Variants in MYH13 observed in about 807,000 individuals in gnomAD.
MYH13 encodes the protein myosin heavy chain 13.
In MYH13, 177 loss-of-function variants were observed where a neutral mutation model predicts 232.1. That is an observed-to-expected ratio of 0.76 (90% CI 0.67 to 0.86). MYH13 has a LOEUF of 0.86. Ranked by LOEUF, MYH13 falls within the 40% of genes least tolerant of loss-of-function variation. The probability of loss-of-function intolerance (pLI) is 0.00; values close to 1 mark genes in which losing one functional copy is unlikely to be tolerated. For missense variants in MYH13, 2,246 were observed against 2,405.9 expected, an observed-to-expected ratio of 0.93 and a Z score of 1.39; for synonymous variants, 884 against 923.5, an observed-to-expected ratio of 0.96 and a Z score of 0.78.
chr17:10,336,709 G>C (rs979832471), intron 18 of MYH13, among the ~76,000 whole-genome samples: 1 of 152,124 alleles, frequency 6.6e-6, no homozygotes, highest in Non-Finnish European at 1.5e-5. Context: ...ACTTGAGAAA[G>C]TCCCTACATT....
intron 35 of MYH13, among the ~76,000 whole-genome samples, chr17:10,308,496 G>A (rs1181665329): frequency 8.0e-6 from 1 of 125,688 alleles, no homozygotes. Context: ...TATTGCCCAC[G>A]CTGGTCTCAG....
At chr17:10,313,719 A>G (rs1403378274) in intron 29 of MYH13, among the ~76,000 whole-genome samples, 1 of 152,214 alleles carries the variant, frequency 6.6e-6, no homozygotes, top group Non-Finnish European at 1.5e-5. Flanking sequence ...TTAATAGGGT[A>G]AATAAGCAAA....
rs945235778 is a variant in MYH13, at chr17:10,311,213, A to G, written c.4546T>C (p.Leu1516=). 24 of 1,613,902 alleles carry G rather than the reference A, an allele frequency of 1.5e-5. No individual in the cohort carries two copies. Among genetic ancestry groups the G allele is most frequent in the Non-Finnish European group, 1.9e-5 (23 of 1,179,902 alleles). The part of the protein sequence containing the change: ...NKNLQEEISD[L]TEQIAETGKN... ...CCAGTTTCTGCAATCTGCTCAGTTA[A>G]GTCGGAAATCTCTTCTGCAAAGGAC... The change falls in exon 33 of 41, where the codon TTA becomes CTA. Residue 1516 remains leucine, a synonymous_variant. Transcript: ENST00000252172.
intron 2 of MYH13, among the ~76,000 whole-genome samples, chr17:10,366,454 C>T (rs2142151835): frequency 7.2e-6 from 1 of 138,858 alleles, no homozygotes; most frequent in South Asian, 2.3e-4. Context: ...AATCTCGGTT[C>T]ACTGCAACCT....
chr17:10,330,296 C>G, intron 21 of MYH13, 91 bp downstream of exon 21: 1 of 1,526,416 alleles, frequency 6.6e-7, no homozygotes, highest in African/African-American at 1.4e-5. Flanking sequence ...AGAGAGCAAG[C>G]ACATGGAAAT....
At chr17:10,359,409 A>G (rs979066675) in intron 7 of MYH13, among the ~76,000 whole-genome samples, 4 of 152,204 alleles carry the variant, frequency 2.6e-5, no homozygotes, top group Non-Finnish European at 5.9e-5. Context: ...TGTCACCTGC[A>G]GAGACCCTGC....
chr17:10,336,173 G>C (rs2071573769), intron 18 of MYH13, among the ~76,000 whole-genome samples: 1 of 152,010 alleles, frequency 6.6e-6, no homozygotes. Flanking sequence ...GGTTTGTGCA[G>C]ACTCAGAATC....
At position 10,350,892 on chromosome 17, in the gene MYH13, A is replaced by G. The variant is rs554503459; in HGVS notation, c.1006-198T>C. ...GTGTGGGTGGGTGAAGACTATGGGA[A>G]AAAGATGTGAATTGTCTGTTTCCTT... On this transcript the variant is annotated intron_variant, in intron 11 of 40. Coordinates refer to ENST00000252172, the MANE Select transcript of MYH13 (RefSeq NM_003802.3). 3.4e-4 allele frequency: 224 copies of G among 650,134 alleles called. 5 individuals are homozygous for G. Among genetic ancestry groups the G allele is most frequent in the South Asian group, 3.4e-3 (223 of 66,524 alleles). The allele number at this position is 650,134 out of a possible 1,614,324, so 40.3% of individuals were successfully genotyped here.
intron 22 of MYH13, among the ~76,000 whole-genome samples, chr17:10,327,460 CAT>C (rs1282873757): frequency 1.3e-5 from 2 of 152,076 alleles, no homozygotes; most frequent in African/African-American, 2.4e-5. Flanking sequence ...GCACTTTTTA[CAT>C]ATTATTGTAA....
intron 23 of MYH13, 88 bp downstream of exon 23, chr17:10,323,934 T>C (rs527710102): frequency 6.6e-7 from 1 of 1,526,696 alleles, no homozygotes; most frequent in Non-Finnish European, 8.8e-7. Context: ...TTATATTGAC[T>C]GGACTCCTAC....
At chr17:10,303,077 T>C (rs1906151560) in intron 39 of MYH13, 119 bp downstream of exon 39, 1 of 813,916 alleles carries the variant, frequency 1.2e-6, no homozygotes, top group African/African-American at 1.7e-5. Flanking sequence ...GTTTATAGCC[T>C]GCAAATACAA....
At position 10,357,043 on chromosome 17, in the gene MYH13, C is replaced by T. The variant is rs561237182; in HGVS notation, c.738+692G>A. Among the ~76,000 whole-genome samples, 138 of 152,272 alleles carry T rather than the reference C, an allele frequency of 9.1e-4. 1 individual carries two copies. The highest frequency in any genetic ancestry group is 3.2e-3 in the African/African-American group (134 of 41,546). On this transcript the variant is annotated intron_variant, in intron 8 of 40. Transcript: ENST00000252172. ...TGTTGCAACTTCGGCTCCCTGCAAC[C>T]TCCACCTCCCGGGTTCAAGCGATTC... is the stretch of plus-strand genomic sequence containing the variant.
chr17:10,321,798 C>G (rs1328056420), intron 23 of MYH13, 90 bp from the exon 24 acceptor site: 1 of 1,229,500 alleles, frequency 8.1e-7, no homozygotes, highest in African/African-American at 1.5e-5. Flanking sequence ...CTCATTTTTC[C>G]TTTTTCCCTT....
rs760905233 is a variant in MYH13, at chr17:10,311,216, C to T, written c.4543G>A (p.Asp1515Asn). 73 of 1,613,898 alleles carry T rather than the reference C, an allele frequency of 4.5e-5. No individual in the cohort carries two copies. The highest frequency in any genetic ancestry group is 5.9e-5 in the Non-Finnish European group (70 of 1,179,918). Reference protein sequence around the residue: ...ENKNLQEEISDLTEQIAETGK... With the variant: ...ENKNLQEEISNLTEQIAETGK... ...GTTTCTGCAATCTGCTCAGTTAAGT[C>T]GGAAATCTCTTCTGCAAAGGACAGG... is the stretch of plus-strand genomic sequence containing the variant. The change falls in exon 33 of 41, where the codon GAC (aspartate) becomes AAC (asparagine). Residue 1515 changes from aspartate to asparagine, a missense_variant. Transcript: ENST00000252172.
At chr17:10,327,297 G>T (rs1157251891) in intron 22 of MYH13, among the ~76,000 whole-genome samples, 1 of 151,304 alleles carries the variant, frequency 6.6e-6, no homozygotes, top group Non-Finnish European at 1.5e-5. Flanking sequence ...CACCGCGCCC[G>T]GCCGCCTGCT....
At chr17:10,352,260 G>T (rs2071715816) in intron 11 of MYH13, among the ~76,000 whole-genome samples, 2 of 152,074 alleles carry the variant, frequency 1.3e-5, no homozygotes, top group African/African-American at 4.8e-5. Context: ...AGTTGACTTT[G>T]AGTTCATAAA....
Position 10,301,656 on chromosome 17 carries a change from A to G in MYH13, c.5715T>C (p.His1905=), listed in dbSNP as rs1201845178. The G allele has an allele frequency of 3.1e-6, 5 of 1,614,034 alleles. No homozygotes were observed. The highest frequency in any genetic ancestry group is 1.1e-5 in the South Asian group (1 of 91,082). The stretch of plus-strand genomic sequence containing the variant: ...CCCTCTCCGCGGCCTCCTCTAGCTC[A>G]TGCTGGACTCTCCGGCATCTGGACA... ...TQLSRCRRVQ[H]ELEEAAERAD... is the part of the protein sequence containing the mutation. Residue 1905 remains histidine (H), a synonymous_variant, in exon 40 of 41, where the codon CAT becomes CAC. Transcript: ENST00000252172.
intron 39 of MYH13, among the ~76,000 whole-genome samples, chr17:10,302,664 G>T (rs1340395033): frequency 6.6e-6 from 1 of 152,122 alleles, no homozygotes; most frequent in Non-Finnish European, 1.5e-5. Flanking sequence ...ACTGATTTTA[G>T]CCCATTCCAT....
intron 35 of MYH13, among the ~76,000 whole-genome samples, chr17:10,307,454 T>A (rs1427693571): frequency 6.6e-6 from 1 of 152,096 alleles, no homozygotes; most frequent in African/African-American, 2.4e-5. Flanking sequence ...TGGAAAACAT[T>A]TGCAATGTAC....
Sources: gnomAD v4.1 joint callset for allele counts (sites outside exome capture counted in the v4.1 genomes callset) on GRCh38, gnomAD v4.1.1 for gene constraint, MANE v1.5 for transcripts, NCBI Gene and HGNC (gene_info 2026-07-23, HGNC 2026-07-21) for gene names.